Variants in MAPK10 observed in about 807,000 individuals in gnomAD.
The protein encoded by MAPK10 is mitogen-activated protein kinase 10, also known as JNK3 alpha protein kinase.
MAPK10 carries 25 observed loss-of-function variants against 59.3 expected under a neutral mutation model. The ratio of observed to expected loss-of-function variants is 0.42; its 90% CI spans 0.31 to 0.59. The LOEUF (loss-of-function observed/expected upper bound fraction) is 0.59, where lower values mean the gene tolerates loss of function less well. Among genes scored for constraint, MAPK10 ranks in the 20% least tolerant of loss-of-function variants. The probability of loss-of-function intolerance (pLI) is 0.15; values close to 1 mark genes in which losing one functional copy is unlikely to be tolerated. For missense variants in MAPK10, 351 were observed against 568.9 expected (o/e 0.62, Z 3.90); for synonymous variants, 190 against 200.5 (o/e 0.95, Z 0.44).
At chr4:86,175,942 T>C (rs1292054795) in intron 3 of MAPK10, 2 of 152,154 alleles carry the variant, frequency 1.3e-5, no homozygotes, top group African/African-American at 2.4e-5. Flanking sequence ...TTGACCTTTA[T>C]TGAATGAGTT....
chr4:86,102,037 A>T lies in MAPK10; in HGVS notation c.426-5T>A. The T allele has an allele frequency of 6.2e-7, 1 of 1,613,446 alleles. No individual in the cohort carries two copies. The highest frequency in any genetic ancestry group is 8.5e-7 in the Non-Finnish European group (1 of 1,179,424). ...ATCAGTTCCATTACTAAGTAACTAG[A>T]AGGGTGAATCCACAGTGTTAGTTCC... On this transcript the variant is annotated splice_polypyrimidine_tract_variant and splice_region_variant and intron_variant, in intron 6 of 13. Transcript: ENST00000641462.
chr4:86,072,427 A>G (rs938816283), intron 9 of MAPK10, among the ~76,000 whole-genome samples: 1 of 142,940 alleles, frequency 7.0e-6, no homozygotes, highest in African/African-American at 2.7e-5. Context: ...TTCCAACACT[A>G]TGTTGAATAG....
intron 1 of MAPK10, among the ~76,000 whole-genome samples, chr4:86,385,898 T>C (rs1469973938): frequency 6.6e-6 from 1 of 152,220 alleles, no homozygotes; most frequent in Non-Finnish European, 1.5e-5. Flanking sequence ...GGTTAGACTA[T>C]AGCACACATG....
intron 1 of MAPK10, among the ~76,000 whole-genome samples, chr4:86,507,655 T>TATACACAC (rs1554274997): frequency 4.2e-5 from 3 of 71,266 alleles, no homozygotes; most frequent in Non-Finnish European, 8.7e-5. Flanking sequence ...TATATATATA[T>TATACACAC]ATATATATAT....
At chr4:86,234,176 G>C (rs1583274449) in intron 2 of MAPK10, among the ~76,000 whole-genome samples, 1 of 152,008 alleles carries the variant, frequency 6.6e-6, no homozygotes, top group East Asian at 1.9e-4. Flanking sequence ...TTACATGCAA[G>C]ACACAACAAT....
intron 2 of MAPK10, among the ~76,000 whole-genome samples, chr4:86,316,734 CT>C (rs1164102952): frequency 6.6e-6 from 1 of 152,006 alleles, no homozygotes; most frequent in East Asian, 1.9e-4. Flanking sequence ...GTTCCAGGGG[CT>C]GCAAATTCAA....
At chr4:86,027,024 G>A (rs1270869369) in intron 13 of MAPK10, 1 of 152,122 alleles carries the variant, frequency 6.6e-6, no homozygotes, top group Non-Finnish European at 1.5e-5. Context: ...TACAGAGTTG[G>A]CCGTCATGAG....
chr4:86,024,935 A>AT (rs1749425472), intron 13 of MAPK10: 1 of 152,174 alleles, frequency 6.6e-6, no homozygotes, highest in Non-Finnish European at 1.5e-5. Context: ...TCCATAGACT[A>AT]TTGCTTCTGA....
chr4:86,511,709 AG>A (rs1756273279), intron 1 of MAPK10, among the ~76,000 whole-genome samples: 2 of 143,028 alleles, frequency 1.4e-5, no homozygotes, highest in Non-Finnish European at 3.0e-5. Context: ...AAGGAGGAGG[AG>A]GAGGAGGAGC....
intron 1 of MAPK10, among the ~76,000 whole-genome samples, chr4:86,581,391 T>C (rs974614566): frequency 5.3e-5 from 8 of 152,140 alleles, no homozygotes; most frequent in Admixed American, 3.9e-4. Context: ...GGCAAAGCAA[T>C]GCAACCTTCT....
chr4:86,304,156 T>C (rs960272175), intron 2 of MAPK10, among the ~76,000 whole-genome samples: 2 of 152,062 alleles, frequency 1.3e-5, no homozygotes, highest in African/African-American at 4.8e-5. Context: ...GGAAAGTCAA[T>C]AAAGTCACGG....
chr4:86,064,419 G>C, intron 10 of MAPK10, 29 bp from the exon 11 acceptor site: 1 of 1,611,862 alleles, frequency 6.2e-7, no homozygotes, highest in Non-Finnish European at 8.5e-7. Flanking sequence ...AAAACAATTA[G>C]TAAGATTTTG....
intron 1 of MAPK10, among the ~76,000 whole-genome samples, chr4:86,584,489 G>C (rs1762529934): frequency 6.6e-6 from 1 of 152,146 alleles, no homozygotes; most frequent in African/African-American, 2.4e-5. Flanking sequence ...CTGTCACCAG[G>C]CTGGAGTGCA....
At chr4:86,473,595 C>T (rs1451991907) in intron 1 of MAPK10, among the ~76,000 whole-genome samples, 1 of 152,178 alleles carries the variant, frequency 6.6e-6, no homozygotes, top group Admixed American at 6.5e-5. Flanking sequence ...ACTGTGACTC[C>T]CTATTCCAGC....
intron 3 of MAPK10, chr4:86,193,227 G>C (rs2080372689): frequency 6.6e-6 from 1 of 152,626 alleles, no homozygotes; most frequent in Admixed American, 6.6e-5. Flanking sequence ...GGAGGTGTGG[G>C]GTCAGGGACC....
intron 1 of MAPK10, among the ~76,000 whole-genome samples, chr4:86,402,018 G>A (rs1743791306): frequency 6.6e-6 from 1 of 152,088 alleles, no homozygotes; most frequent in Admixed American, 6.6e-5. Context: ...TACGCCCCCA[G>A]CCATAGTAAT....
chr4:86,303,201 C>T (rs1374604246), intron 2 of MAPK10, among the ~76,000 whole-genome samples: 2 of 152,116 alleles, frequency 1.3e-5, no homozygotes, highest in African/African-American at 4.8e-5. Context: ...TAAGCTTCTT[C>T]CTTCAACTCT....
intron 2 of MAPK10, among the ~76,000 whole-genome samples, chr4:86,349,954 G>A (rs1253071563): frequency 6.6e-6 from 1 of 152,164 alleles, no homozygotes; most frequent in Non-Finnish European, 1.5e-5. Flanking sequence ...GGAAACACCT[G>A]AGTAGATGTG....
At chr4:86,530,544 T>A (rs1757779587) in intron 1 of MAPK10, among the ~76,000 whole-genome samples, 1 of 152,196 alleles carries the variant, frequency 6.6e-6, no homozygotes, top group South Asian at 2.1e-4. Flanking sequence ...AATTTATTTC[T>A]GACAGATCTG....
Sources: gnomAD v4.1 joint callset for allele counts (sites outside exome capture counted in the v4.1 genomes callset) on GRCh38, gnomAD v4.1.1 for gene constraint, MANE v1.5 for transcripts, NCBI Gene and HGNC (gene_info 2026-07-23, HGNC 2026-07-21) for gene names.